The following CLASP2 variants were observed in gnomAD, a reference collection of about 807,000 sequenced individuals.
CLASP2 encodes the protein CLIP-associating protein 2.
Under a neutral mutation model 194.4 loss-of-function variants are expected in CLASP2, and 47 were observed. The ratio of observed to expected loss-of-function variants is 0.24; its 90% CI spans 0.19 to 0.31. The LOEUF (loss-of-function observed/expected upper bound fraction) is 0.31, where lower values mean the gene tolerates loss of function less well. CLASP2 is among the 10% of genes least tolerant of loss of function. The probability of loss-of-function intolerance (pLI) is 1.00; values close to 1 mark genes in which losing one functional copy is unlikely to be tolerated. For missense variants in CLASP2, 1,445 were observed against 1,823.6 expected, an observed-to-expected ratio of 0.79 and a Z score of 3.78; for synonymous variants, 619 against 633.5, an observed-to-expected ratio of 0.98 and a Z score of 0.34.
At chr3:33,710,127 T>C (rs1212308715) in intron 1 of CLASP2, among the ~76,000 whole-genome samples, 1 of 152,154 alleles carries the variant, frequency 6.6e-6, no homozygotes, top group Non-Finnish European at 1.5e-5. Flanking sequence ...ATATTCTCCA[T>C]AGTAAAGTTT....
At chr3:33,664,746 T>A (rs1385542746) in intron 6 of CLASP2, among the ~76,000 whole-genome samples, 1 of 152,118 alleles carries the variant, frequency 6.6e-6, no homozygotes, top group Non-Finnish European at 1.5e-5. Context: ...ACCAAGCAGG[T>A]TGCCCAGACA....
chr3:33,709,697 T>A (rs576431842), intron 1 of CLASP2, among the ~76,000 whole-genome samples: 2 of 152,180 alleles, frequency 1.3e-5, no homozygotes, highest in Non-Finnish European at 2.9e-5. Flanking sequence ...TTTATCCCAA[T>A]GAAACCCATT....
At chr3:33,667,763 A>C (rs1232276829) in intron 6 of CLASP2, among the ~76,000 whole-genome samples, 1 of 152,100 alleles carries the variant, frequency 6.6e-6, no homozygotes, top group Non-Finnish European at 1.5e-5. Flanking sequence ...TGCTCTATTA[A>C]ATGGTCTTGG....
chr3:33,589,022 T>C (rs1181836898), intron 21 of CLASP2, among the ~76,000 whole-genome samples: 2 of 152,160 alleles, frequency 1.3e-5, no homozygotes, highest in Admixed American at 6.5e-5. Flanking sequence ...TCAGCTTTTC[T>C]ACTACTGACA....
chr3:33,676,672 A>C (rs1303136936), intron 6 of CLASP2, among the ~76,000 whole-genome samples: 2 of 152,090 alleles, frequency 1.3e-5, no homozygotes, highest in Non-Finnish European at 2.9e-5. Flanking sequence ...AACACCAAAA[A>C]CTATGGCAAC....
chr3:33,602,454 A>G lies in CLASP2; in HGVS notation c.1924+498T>C, dbSNP rs143790086. 2.1e-4 allele frequency: 148 copies of G among 701,028 alleles called. 1 individual carries two copies. In the East Asian group the frequency reaches 2.4e-3, roughly 11 times the overall value. The allele number at this position is 701,028 out of a possible 1,614,324, so 43.4% of individuals were successfully genotyped here. ...GCATGAAGAAGAGATACGCAAACCA[A>G]CGTCAACTTTTTAATTTGATAGACA... On this transcript the variant is annotated intron_variant, in intron 18 of 38. Coordinates refer to ENST00000682230, the MANE Select transcript of CLASP2 (RefSeq NM_001365631.1).
chr3:33,580,388 C>A (rs78232752), intron 23 of CLASP2, among the ~76,000 whole-genome samples: 1 of 152,020 alleles, frequency 6.6e-6, no homozygotes, highest in African/African-American at 2.4e-5. Flanking sequence ...TATCATGAAA[C>A]CCCATCTCTA....
At chr3:33,663,580 T>C (rs1322613187) in intron 6 of CLASP2, 65 bp from the exon 7 acceptor site, 1 of 1,132,466 alleles carries the variant, frequency 8.8e-7, no homozygotes, top group South Asian at 1.3e-5. Context: ...ATAGAAACAA[T>C]TTCCTTCACC....
rs976111675 is a variant in CLASP2 at position 33,510,410 on chromosome 3, T to C, written c.4317+148A>G. On this transcript the variant is annotated intron_variant, in intron 37 of 38. Coordinates refer to ENST00000682230, the MANE Select transcript of CLASP2 (RefSeq NM_001365631.1). The stretch of plus-strand genomic sequence containing the variant: ...TACCACACCCACATCTATAACCCCC[T>C]GGCTAGTTATGAAAAGTCTTTGTCC... The C allele has an allele frequency of 5.7e-6, 4 of 696,620 alleles. No individual in the cohort carries two copies. The African/African-American group carries it at 7.2e-5, about 13-fold the overall frequency. 43.2% of individuals were successfully genotyped at this position (696,620 alleles called of 1,614,324 possible).
rs184793652 is a variant in CLASP2, at chr3:33,515,953, T to A, written c.4110+70A>T. The A allele has an allele frequency of 5.8e-4, 850 of 1,457,122 alleles. 3 individuals are homozygous for A. The African/African-American group carries it at 0.011, about 18-fold the overall frequency. 90.3% of individuals were successfully genotyped at this position (1,457,122 alleles called of 1,614,324 possible). A position where few individuals can be genotyped will look rare whatever the true frequency, so the allele number is the denominator to read the frequency against. ...CAAGAAAATCATTAATAAGGCTACATTTTACACAATGGTTACATGTTTCAT... is the reference window on the plus strand; with the variant it reads ...CAAGAAAATCATTAATAAGGCTACAATTTACACAATGGTTACATGTTTCAT... On this transcript the variant is annotated intron_variant, in intron 36 of 38. Transcript: ENST00000682230.
intron 28 of CLASP2, 119 bp from the exon 29 acceptor site, chr3:33,559,504 T>A: frequency 1.5e-6 from 1 of 646,572 alleles, no homozygotes; most frequent in Non-Finnish European, 2.7e-6. Flanking sequence ...CATGAAGTAG[T>A]ATCTGCATGT....
intron 34 of CLASP2, among the ~76,000 whole-genome samples, chr3:33,523,475 T>C (rs1028124924): frequency 6.6e-6 from 1 of 152,134 alleles, no homozygotes; most frequent in Non-Finnish European, 1.5e-5. Flanking sequence ...GATTTCTCAT[T>C]AGAAACGTTG....
chr3:33,599,312 G>A (rs1345194176), intron 18 of CLASP2, among the ~76,000 whole-genome samples: 1 of 151,950 alleles, frequency 6.6e-6, no homozygotes, highest in African/African-American at 2.4e-5. Context: ...TGGTAGAGGT[G>A]TGGTTTCGCC....
intron 10 of CLASP2, among the ~76,000 whole-genome samples, chr3:33,624,451 A>G (rs541569440): frequency 1.5e-4 from 23 of 152,270 alleles, no homozygotes; most frequent in Admixed American, 1.5e-3. Flanking sequence ...CCTGCAACGT[A>G]TAAGATGATA....
intron 1 of CLASP2, among the ~76,000 whole-genome samples, chr3:33,707,113 A>G (rs2092723365): frequency 6.6e-6 from 1 of 152,234 alleles, no homozygotes; most frequent in Non-Finnish European, 1.5e-5. Flanking sequence ...AAAAAGATCA[A>G]GAGCTTCTTG....
At chr3:33,587,035 C>T (rs1426118888) in intron 21 of CLASP2, among the ~76,000 whole-genome samples, 1 of 152,142 alleles carries the variant, frequency 6.6e-6, no homozygotes, top group South Asian at 2.1e-4. Flanking sequence ...TTTGATATTT[C>T]CAGATTTTTA....
chr3:33,668,677 T>C (rs1053174008), intron 6 of CLASP2, among the ~76,000 whole-genome samples: 5 of 152,136 alleles, frequency 3.3e-5, no homozygotes, highest in Admixed American at 6.5e-5. Flanking sequence ...GCGTCAAGAA[T>C]AGAAAACACT....
chr3:33,622,041 A>T, intron 11 of CLASP2, 94 bp downstream of exon 11: 1 of 920,802 alleles, frequency 1.1e-6, no homozygotes, highest in Non-Finnish European at 1.5e-6. Context: ...ATACTTTTTT[A>T]GCTATCTTGC....
chr3:33,583,689 T>C (rs1021749456), intron 22 of CLASP2, among the ~76,000 whole-genome samples: 21 of 152,166 alleles, frequency 1.4e-4, no homozygotes, highest in South Asian at 4.1e-4. Flanking sequence ...CTGATTGAGG[T>C]TGACGAAACA....
Sources: allele counts gnomAD v4.1 joint callset (sites outside exome capture counted in the v4.1 genomes callset), GRCh38; gene constraint gnomAD v4.1.1; transcripts MANE v1.5; gene names NCBI Gene and HGNC (gene_info 2026-07-23, HGNC 2026-07-21).